Variants in BMI1 observed in about 807,000 individuals in gnomAD.
The protein encoded by BMI1 is BMI1 proto-oncogene, polycomb ring finger, also known as polycomb complex protein BMI-1.
BMI1 carries 9 observed loss-of-function variants against 39.1 expected under a neutral mutation model. The observed-to-expected ratio is 0.23, with a 90% CI of 0.14 to 0.40. BMI1 has a LOEUF of 0.40. BMI1 is among the 10% of genes least tolerant of loss of function. BMI1 has a pLI of 1.00. For missense variants in BMI1, 252 were observed against 390.8 expected (o/e 0.64, Z 2.99); for synonymous variants, 131 against 127.9 (o/e 1.02, Z -0.16).
At position 22,329,606 on chromosome 10, in the gene BMI1, T is replaced by C; in HGVS notation, c.*64T>C. ...ATTTATATAGATATCTTCATGCCATTACAGCTTTCTAGATGCTAATACATG... is the reference window on the plus strand; with the variant it reads ...ATTTATATAGATATCTTCATGCCATCACAGCTTTCTAGATGCTAATACATG... On this transcript the variant is annotated 3_prime_UTR_variant, in exon 10 of 10. Coordinates refer to ENST00000376663, the MANE Select transcript of BMI1 (RefSeq NM_005180.9). The C allele has an allele frequency of 6.6e-7, 1 of 1,525,308 alleles. No individual in the cohort carries two copies. Among genetic ancestry groups the C allele is most frequent in the Non-Finnish European group, 8.8e-7 (1 of 1,130,900 alleles). 94.5% of individuals were successfully genotyped at this position (1,525,308 alleles called of 1,614,324 possible).
In BMI1 at chr10:22,328,125, CTT is replaced by C. The variant is rs775236699; in HGVS notation, c.426-7_426-6del. 1.9e-6 allele frequency: 3 copies of C among 1,597,026 alleles called. No individual in the cohort carries two copies. In the African/African-American group the frequency reaches 4.1e-5, roughly 22 times the overall value. ...AGATTGTTTCACTAATAAATTTTCTCTTTATTAGATTGGATCGGAAAGTAAAC... is the reference window on the plus strand; with the variant it reads ...AGATTGTTTCACTAATAAATTTTCTCTATTAGATTGGATCGGAAAGTAAAC... On this transcript the variant is annotated splice_region_variant and splice_polypyrimidine_tract_variant and intron_variant, in intron 6 of 9. Transcript: ENST00000376663.
At chr10:22,325,988 A>C (rs1413783845) in intron 1 of BMI1, 1 of 153,712 alleles carries the variant, frequency 6.5e-6, no homozygotes, top group African/African-American at 2.4e-5. Context: ...GGAACCGTCT[A>C]AAACAACCGG....
chr10:22,325,096 A>G (rs1588618983), intron 1 of BMI1, among the ~76,000 whole-genome samples: 1 of 152,246 alleles, frequency 6.6e-6, no homozygotes, highest in East Asian at 1.9e-4. Flanking sequence ...GTTTGTCCAA[A>G]TAAAACACTG....
chr10:22,328,104 T>G, intron 6 of BMI1, 30 bp from the exon 7 acceptor site: 1 of 1,593,992 alleles, frequency 6.3e-7, no homozygotes, highest in East Asian at 2.2e-5. Flanking sequence ...TTTATTAGAT[T>G]GTTTCACTAA....
Position 22,328,071 on chromosome 10 carries a change from G to C in BMI1, c.425+13G>C, listed in dbSNP as rs374753106. The C allele has an allele frequency of 6.3e-7, 1 of 1,595,634 alleles. No homozygotes were observed. The highest frequency in any genetic ancestry group is 1.4e-5 in the African/African-American group (1 of 73,674). ...TTGACCAGAACAGGTAAAATCTTTA[G>C]GCAATTTATTTTATGCTAATGTTTT... On this transcript the variant is annotated intron_variant, in intron 6 of 9. Transcript: ENST00000376663.
intron 7 of BMI1, 67 bp downstream of exon 7, chr10:22,328,246 G>A: frequency 6.6e-7 from 1 of 1,526,098 alleles, no homozygotes; most frequent in Non-Finnish European, 8.8e-7. Flanking sequence ...ATCAGGGATT[G>A]TGTTGCCCTT....
chr10:22,321,839 GGCCCCGC>G (rs1050350634), intron 1 of BMI1, 143 bp downstream of exon 1: 5 of 142,264 alleles, frequency 3.5e-5, no homozygotes, highest in South Asian at 2.2e-4. Context: ...GTGGGCGCCC[GGCCCCGC>G]GCCCCGCGCC....
rs1367474269 is a variant in BMI1, at chr10:22,331,361, A to G, written c.*1819A>G. 1 of 152,182 alleles carries G rather than the reference A, an allele frequency of 6.6e-6. No homozygotes were observed. The highest frequency in any genetic ancestry group is 1.5e-5 in the Non-Finnish European group (1 of 67,978). 9.4% of individuals were successfully genotyped at this position (152,182 alleles called of 1,614,324 possible). A position where few individuals can be genotyped will look rare whatever the true frequency, so the allele number is the denominator to read the frequency against. On this transcript the variant is annotated 3_prime_UTR_variant, in exon 10 of 10. Transcript: ENST00000376663. ...AACAGGTAAACGTTAAAGAGAATAC[A>G]TTGCTGACTTATAGTGATGTGGCTA... is the stretch of plus-strand genomic sequence containing the variant.
rs910436438 is a variant in BMI1, at chr10:22,328,167, A to G, written c.459A>G (p.Lys153=). ...GGAAAGTAAACAAAGACAAAGAGAA[A>G]TCTAAGGAGGAGGTATGTTTCATGT... is the stretch of plus-strand genomic sequence containing the variant. ...LDRKVNKDKE[K]SKEEVNDKRY... Residue 153 remains lysine (K), a synonymous_variant, in exon 7 of 10, where the codon AAA becomes AAG. Coordinates refer to ENST00000376663, the MANE Select transcript of BMI1 (RefSeq NM_005180.9). 6.2e-7 allele frequency: 1 copy of G among 1,600,270 alleles called. No individual in the cohort carries two copies. Among genetic ancestry groups the G allele is most frequent in the African/African-American group, 1.3e-5 (1 of 74,138 alleles).
At chr10:22,326,790 C>A in intron 2 of BMI1, 100 bp from the exon 3 acceptor site, 1 of 1,443,840 alleles carries the variant, frequency 6.9e-7, no homozygotes, top group Non-Finnish European at 9.5e-7. Flanking sequence ...GTTGGAAATG[C>A]CTTTCACCAT....
Position 22,327,599 on chromosome 10 carries a change from G to C in BMI1, c.214G>C (p.Asp72His). 6.2e-7 allele frequency: 1 copy of C among 1,605,624 alleles called. No homozygotes were observed. Among genetic ancestry groups the C allele is most frequent in the Non-Finnish European group, 8.5e-7 (1 of 1,176,998 alleles). The change falls in exon 4 of 10, where the codon GAT (aspartate) becomes CAT (histidine). Residue 72 changes from aspartate (D) to histidine (H), a missense_variant. Asp to His is a moderately conservative substitution (Grantham distance 81). Around this residue, in one of 4 missense-constraint regions of BMI1, gnomAD observed 62 missense variants for 123.3 expected, o/e 0.50. Transcript: ENST00000376663. Reference sequence around the variant, plus strand: ...TCTATTTTAATTATTTTTCAGGTCAGATAAAACTCTCCAAGATATTGTATA... The same window carrying C: ...TCTATTTTAATTATTTTTCAGGTCACATAAAACTCTCCAAGATATTGTATA... Reference protein sequence around the residue: ...KTRPLLNIRSDKTLQDIVYKL... With the variant: ...KTRPLLNIRSHKTLQDIVYKL...
intron 1 of BMI1, among the ~76,000 whole-genome samples, chr10:22,324,217 A>G (rs1243911648): frequency 6.6e-6 from 1 of 152,206 alleles, no homozygotes; most frequent in South Asian, 2.1e-4. Flanking sequence ...GAGCCCCTTC[A>G]TGAACTTCGT....
Position 22,321,241 on chromosome 10 carries a change from G to C in BMI1, c.-475G>C, listed in dbSNP as rs1321402977. On this transcript the variant is annotated 5_prime_UTR_variant, in exon 1 of 10. Transcript: ENST00000376663. Reference sequence around the variant, plus strand: ...ACTATGAAATAATCGTAGTATGAGAGGCAGAGATCGGGGCGAGACAATGGG... The same window carrying C: ...ACTATGAAATAATCGTAGTATGAGACGCAGAGATCGGGGCGAGACAATGGG... 2.0e-5 allele frequency: 3 copies of C among 151,342 alleles called. No homozygotes were observed. Among genetic ancestry groups the C allele is most frequent in the Admixed American group, 6.6e-5 (1 of 15,238 alleles). The allele number at this position is 151,342 out of a possible 1,614,324, so 9.4% of individuals were successfully genotyped here. A position where few individuals can be genotyped will look rare whatever the true frequency, so the allele number is the denominator to read the frequency against.
At chr10:22,327,257 T>C (rs1836178164) in intron 3 of BMI1, among the ~76,000 whole-genome samples, 1 of 152,224 alleles carries the variant, frequency 6.6e-6, no homozygotes, top group Non-Finnish European at 1.5e-5. Flanking sequence ...CATTGCTTTA[T>C]GGACTTCATG....
At position 22,329,140 on chromosome 10, in the gene BMI1, A is replaced by G; in HGVS notation, c.651+12A>G. 1 of 1,611,714 alleles carries G rather than the reference A, an allele frequency of 6.2e-7. No homozygotes were observed. The highest frequency in any genetic ancestry group is 1.1e-5 in the South Asian group (1 of 90,452). Reference sequence around the variant, plus strand: ...ATACCTGGAGAAGGGTAAGTAGCATATCTGTTGTTAGATTATGATGGTAAA... The same window carrying G: ...ATACCTGGAGAAGGGTAAGTAGCATGTCTGTTGTTAGATTATGATGGTAAA... On this transcript the variant is annotated intron_variant, in intron 9 of 9. Transcript: ENST00000376663.
At chr10:22,323,744 T>C (rs1289829284) in intron 1 of BMI1, among the ~76,000 whole-genome samples, 1 of 152,228 alleles carries the variant, frequency 6.6e-6, no homozygotes, top group Non-Finnish European at 1.5e-5. Context: ...TTTTAACGGT[T>C]GAGTATTTTT....
chr10:22,327,371 A>T (rs941678671), intron 3 of BMI1, among the ~76,000 whole-genome samples: 1 of 152,158 alleles, frequency 6.6e-6, no homozygotes, highest in African/African-American at 2.4e-5. Flanking sequence ...GACAGAGCAA[A>T]TGTGAAGAAT....
At chr10:22,323,860 A>G (rs1337776094) in intron 1 of BMI1, among the ~76,000 whole-genome samples, 1 of 152,242 alleles carries the variant, frequency 6.6e-6, no homozygotes, top group Admixed American at 6.5e-5. Context: ...CTCAAATCTT[A>G]TCAAGCACGT....
intron 1 of BMI1, among the ~76,000 whole-genome samples, chr10:22,322,632 C>G (rs1388299907): frequency 2.6e-5 from 4 of 152,118 alleles, no homozygotes; most frequent in Admixed American, 1.3e-4. Flanking sequence ...TTTCTCACTA[C>G]TTCTTTTTCT....
Sources: gnomAD v4.1 joint callset for allele counts (sites outside exome capture counted in the v4.1 genomes callset) on GRCh38, gnomAD v4.1.1 for gene constraint, gnomAD v4.1.1 regional missense constraint, MANE v1.5 for transcripts, NCBI Gene and HGNC (gene_info 2026-07-23, HGNC 2026-07-21) for gene names.